CPN2: variants seen among roughly 807,000 people sequenced by gnomAD.
CPN2 encodes carboxypeptidase N subunit 2, also known as carboxypeptidase N 83 kDa chain.
For synonymous variants in CPN2, 336 were observed against 318.4 expected (o/e 1.06, Z -0.59); for missense variants, 620 against 671.4 (o/e 0.92, Z 0.85).
chr3:194,339,928 T>TAC lies in CPN2; in HGVS notation c.*1135_*1136dup, dbSNP rs1179706034. 1 of 152,162 alleles carries TAC rather than the reference T, an allele frequency of 6.6e-6. No individual in the cohort carries two copies. The highest frequency in any genetic ancestry group is 1.9e-4 in the East Asian group (1 of 5,196). The allele number at this position is 152,162 out of a possible 1,614,324, so 9.4% of individuals were successfully genotyped here. A position where few individuals can be genotyped will look rare whatever the true frequency, so the allele number is the denominator to read the frequency against. On this transcript the variant is annotated 3_prime_UTR_variant, in exon 2 of 2. Coordinates refer to ENST00000323830, the MANE Select transcript of CPN2 (RefSeq NM_001080513.4). ...GCATCAATCAAATACATTTAAGAAA[T>TAC]ACATTGGTTGAGTTCAGAAAGGCAG...
At chr3:194,344,024 A>G (rs1399456614) in intron 1 of CPN2, among the ~76,000 whole-genome samples, 1 of 152,238 alleles carries the variant, frequency 6.6e-6, no homozygotes, top group African/African-American at 2.4e-5. Flanking sequence ...ACTTCTTCTC[A>G]GTAAAAGGGG....
chr3:194,346,168 G>T lies in CPN2; in HGVS notation c.-3-3463C>A, dbSNP rs77402864. ...AGACTGGGGCTCCCGGAGCTACAGT[G>T]ACTGGCCCAAGGGAACACAACACAG... On this transcript the variant is annotated intron_variant, in intron 1 of 1. Transcript: ENST00000323830. 3.6e-3 allele frequency among the ~76,000 whole-genome samples: 543 copies of T among 152,348 alleles called. 4 individuals are homozygous for T. The highest frequency in any genetic ancestry group is 0.013 in the African/African-American group (522 of 41,572).
chr3:194,346,431 G>A (rs1415344998), intron 1 of CPN2, among the ~76,000 whole-genome samples: 1 of 152,170 alleles, frequency 6.6e-6, no homozygotes, highest in Non-Finnish European at 1.5e-5. Context: ...GGTCTACTGG[G>A]GCAGGGAGCA....
At chr3:194,350,464 C>T (rs948062498) in intron 1 of CPN2, among the ~76,000 whole-genome samples, 5 of 152,226 alleles carry the variant, frequency 3.3e-5, no homozygotes, top group Non-Finnish European at 7.3e-5. Flanking sequence ...ATCACTCCAA[C>T]TCTCTAAGCC....
intron 1 of CPN2, among the ~76,000 whole-genome samples, chr3:194,345,685 G>T (rs1713018086): frequency 6.6e-6 from 1 of 152,200 alleles, no homozygotes; most frequent in Non-Finnish European, 1.5e-5. Flanking sequence ...AGGTCCCGGG[G>T]TCTTCACAGC....
chr3:194,350,091 C>T (rs1042496801), intron 1 of CPN2, among the ~76,000 whole-genome samples: 3 of 152,038 alleles, frequency 2.0e-5, no homozygotes, highest in Admixed American at 1.3e-4. Flanking sequence ...CGTGAGCCAC[C>T]GCGCTCGGCC....
rs961644178 is a variant in CPN2 at position 194,342,125 on chromosome 3, G to A, written c.578C>T (p.Thr193Ile). 2 of 1,614,042 alleles carry A rather than the reference G, an allele frequency of 1.2e-6. No individual in the cohort carries two copies. Among genetic ancestry groups the A allele is most frequent in the African/African-American group, 2.7e-5 (2 of 74,932 alleles). The change falls in exon 2 of 2, where the codon ACC becomes ATC. Residue 193 changes from threonine (T) to isoleucine (I), a missense_variant. Transcript: ENST00000323830. Reference sequence around the variant, plus strand: ...GCTCAGCTTCAGGGTCTGCAGGCTGGTGAGTGGGTGGAACAGCTCCTCCGG... The same window carrying A: ...GCTCAGCTTCAGGGTCTGCAGGCTGATGAGTGGGTGGAACAGCTCCTCCGG... ...QLPEELFHPLTSLQTLKLSNN... is the reference protein window; with the variant it reads ...QLPEELFHPLISLQTLKLSNN...
chr3:194,342,653 C>T lies in CPN2; in HGVS notation c.50G>A (p.Arg17Lys), dbSNP rs749508351. The T allele has an allele frequency of 1.9e-5, 31 of 1,602,802 alleles. 1 individual carries two copies. The South Asian group carries it at 3.2e-4, about 17-fold the overall frequency. The stretch of plus-strand genomic sequence containing the variant: ...ACCCATGGGACAGGGCTGGGCAGGC[C>T]TGGCCAGGAGCAGGAGGGAGGTCCA... ...LLWTSLLLLA[R>K]PAQPCPMGCD... is the part of the protein sequence containing the mutation. The change falls in exon 2 of 2, where the codon AGG becomes AAG. Residue 17 changes from arginine (R) to lysine (K), a missense_variant. Transcript: ENST00000323830.
Position 194,341,175 on chromosome 3 carries a change from G to A in CPN2, c.1528C>T (p.Gln510Ter). ...RWLNVQLSPQ[Q>*]GSLGLQYNAS... ...TTGTACTGCAGTCCCAGGGAGCCCT[G>A]CTGAGGAGAGAGCTGGACGTTCAGC... Residue 510 changes from glutamine to a stop codon, truncating the protein, a stop_gained, in exon 2 of 2, where the codon CAG becomes TAG. Transcript: ENST00000323830. LOFTEE classifies it low-confidence loss of function (END_TRUNC). 5 of 1,613,482 alleles carry A rather than the reference G, an allele frequency of 3.1e-6. No individual in the cohort carries two copies. The highest frequency in any genetic ancestry group is 1.1e-5 in the South Asian group (1 of 91,070).
At chr3:194,346,367 G>A (rs1713046815) in intron 1 of CPN2, among the ~76,000 whole-genome samples, 1 of 152,230 alleles carries the variant, frequency 6.6e-6, no homozygotes, top group African/African-American at 2.4e-5. Context: ...ATCACTGGGG[G>A]AGGAGGGCCA....
At chr3:194,342,816 G>A (rs1438260805) in intron 1 of CPN2, 111 bp from the exon 2 acceptor site, 4 of 583,632 alleles carry the variant, frequency 6.9e-6, no homozygotes, top group Admixed American at 3.1e-5. Flanking sequence ...ACTGGACAGC[G>A]AGCTCCAACA....
rs1712884325 is a variant in CPN2 at position 194,342,402 on chromosome 3, C to A, written c.301G>T (p.Asp101Tyr). The A allele has an allele frequency of 6.2e-7, 1 of 1,614,186 alleles. No individual in the cohort carries two copies. The highest frequency in any genetic ancestry group is 1.6e-4 in the Middle Eastern group (1 of 6,062). ...AAGCTACTGCCTGTGACCTCCAGGTCCTCCAGCCTGGGCAGCCCCCCGAAG... is the reference window on the plus strand; with the variant it reads ...AAGCTACTGCCTGTGACCTCCAGGTACTCCAGCCTGGGCAGCCCCCCGAAG... ...DAFGGLPRLE[D>Y]LEVTGSSFLN... The change falls in exon 2 of 2, where the codon GAC becomes TAC. Residue 101 changes from aspartate to tyrosine, a missense_variant. By Grantham distance (160) the Asp-to-Tyr change is radical. Transcript: ENST00000323830.
intron 1 of CPN2, among the ~76,000 whole-genome samples, chr3:194,350,458 C>T (rs1713228135): frequency 6.6e-6 from 1 of 152,208 alleles, no homozygotes; most frequent in Non-Finnish European, 1.5e-5. Context: ...GTGCAAATCA[C>T]TCCAACTCTC....
chr3:194,341,780 G>T lies in CPN2; in HGVS notation c.923C>A (p.Thr308Asn), dbSNP rs905066066. 6 of 1,613,976 alleles carry T rather than the reference G, an allele frequency of 3.7e-6. No individual in the cohort carries two copies. Among genetic ancestry groups the T allele is most frequent in the Non-Finnish European group, 5.1e-6 (6 of 1,179,910 alleles). ...ACGCAGGTTGGACAGGTGGGCAAAG[G>T]TGCCCTCAGCGACAGTCTCCAGCTG... ...HNQLETVAEGTFAHLSNLRSL... is the reference protein window; with the variant it reads ...HNQLETVAEGNFAHLSNLRSL... The change falls in exon 2 of 2, where the codon ACC (threonine) becomes AAC (asparagine). Residue 308 changes from threonine (T) to asparagine (N), a missense_variant. Thr to Asn is a moderately conservative substitution (Grantham distance 65, BLOSUM62 0). Transcript: ENST00000323830.
At chr3:194,349,136 G>A (rs1323503227) in intron 1 of CPN2, among the ~76,000 whole-genome samples, 2 of 152,174 alleles carry the variant, frequency 1.3e-5, no homozygotes, top group Admixed American at 6.5e-5. Flanking sequence ...TGAGGCGGGA[G>A]CATCACCTGA....
At chr3:194,348,925 AAG>A (rs1314557240) in intron 1 of CPN2, among the ~76,000 whole-genome samples, 1 of 152,228 alleles carries the variant, frequency 6.6e-6, no homozygotes, top group Non-Finnish European at 1.5e-5. Flanking sequence ...TTTAAACAAA[AAG>A]AAAATTTATT....
In CPN2 at chr3:194,341,058, G is replaced by A. The variant is rs773722197; in HGVS notation, c.*7C>T. ...GCCCCCTTCCCCAGCTCCTGTATGCGCTGCTACTAGGGCCCTGCTGCCCGA... is the reference window on the plus strand; with the variant it reads ...GCCCCCTTCCCCAGCTCCTGTATGCACTGCTACTAGGGCCCTGCTGCCCGA... On this transcript the variant is annotated 3_prime_UTR_variant, in exon 2 of 2. Transcript: ENST00000323830. 2.5e-5 allele frequency: 39 copies of A among 1,586,362 alleles called. No homozygotes were observed. Among genetic ancestry groups the A allele is most frequent in the East Asian group, 4.5e-5 (2 of 44,430 alleles).
At chr3:194,346,057 G>C (rs759483358) in intron 1 of CPN2, among the ~76,000 whole-genome samples, 17 of 152,202 alleles carry the variant, frequency 1.1e-4, no homozygotes, top group Non-Finnish European at 2.2e-4. Flanking sequence ...GTTTGGCTGA[G>C]GGGTTAGTTC....
Position 194,349,778 on chromosome 3 carries a change from C to CTTTTTTTTTT in CPN2, c.-4+1454_-4+1463dup, listed in dbSNP as rs757478492. 8.2e-4 allele frequency among the ~76,000 whole-genome samples: 54 copies of CTTTTTTTTTT among 65,602 alleles called. 4 individuals are homozygous for CTTTTTTTTTT. The highest frequency in any genetic ancestry group is 1.4e-3 in the East Asian group (2 of 1,478). The allele number at this position is 65,602 out of a possible 152,430, so 43.0% of individuals were successfully genotyped here. A position where few individuals can be genotyped will look rare whatever the true frequency, so the allele number is the denominator to read the frequency against. On this transcript the variant is annotated intron_variant, in intron 1 of 1. Transcript: ENST00000323830. ...ATGAAGCCTTCCTGACTACCCTCTT[C>CTTTTTTTTTT]TTTTTTTTTTTTTTTTTTTTTTTTT...
Sources: allele counts gnomAD v4.1 joint callset (sites outside exome capture counted in the v4.1 genomes callset), GRCh38; gene constraint gnomAD v4.1.1; transcripts MANE v1.5; gene names NCBI Gene and HGNC (gene_info 2026-07-23, HGNC 2026-07-21).